ICMT: variants seen among roughly 807,000 people sequenced by gnomAD.
ICMT encodes the protein protein-S-isoprenylcysteine O-methyltransferase.
A neutral mutation model predicts 32.2 loss-of-function variants in ICMT; 10 were observed. That is an observed-to-expected ratio of 0.31 (90% CI 0.19 to 0.53). The LOEUF is 0.53. Among genes scored for constraint, ICMT ranks in the 20% least tolerant of loss-of-function variants. ICMT has a pLI of 0.96. For missense variants in ICMT, 265 were observed against 356.9 expected (o/e 0.74, Z 2.07); for synonymous variants, 183 against 158.2 (o/e 1.16, Z -1.18).
chr1:6,230,484 G>A (rs530663054), intron 4 of ICMT, among the ~76,000 whole-genome samples: 1 of 151,670 alleles, frequency 6.6e-6, no homozygotes, highest in Non-Finnish European at 1.5e-5. Flanking sequence ...TACTTGGGAG[G>A]CTGAGGTAGG....
At chr1:6,229,823 C>CACACACACACAT (rs3221751) in intron 4 of ICMT, among the ~76,000 whole-genome samples, 5 of 137,268 alleles carry the variant, frequency 3.6e-5, no homozygotes, top group African/African-American at 7.7e-5. Flanking sequence ...CACACACACA[C>CACACACACACAT]ATAGAGCAGG....
At chr1:6,229,871 TC>T (rs1668706502) in intron 4 of ICMT, among the ~76,000 whole-genome samples, 1 of 151,972 alleles carries the variant, frequency 6.6e-6, no homozygotes, top group Non-Finnish European at 1.5e-5. Flanking sequence ...CACTTCTTTT[TC>T]TTTTTTTCTT....
intron 4 of ICMT, among the ~76,000 whole-genome samples, chr1:6,229,599 C>T (rs941568685): frequency 3.3e-5 from 5 of 152,128 alleles, no homozygotes; most frequent in African/African-American, 9.7e-5. Context: ...GCGGAGGTTG[C>T]AATGAGCCGA....
At chr1:6,234,140 G>T (rs1668778855) in intron 2 of ICMT, among the ~76,000 whole-genome samples, 1 of 152,180 alleles carries the variant, frequency 6.6e-6, no homozygotes, top group African/African-American at 2.4e-5. Flanking sequence ...CTCCTAAAGT[G>T]CTGGGATTAC....
intron 4 of ICMT, among the ~76,000 whole-genome samples, chr1:6,230,007 A>G (rs1386460445): frequency 1.3e-5 from 2 of 151,698 alleles, no homozygotes; most frequent in Non-Finnish European, 2.9e-5. Flanking sequence ...AGCTGGAATT[A>G]TAAGTAAGAA....
In ICMT at chr1:6,223,104, TTTG is replaced by T. The variant is rs900920153; in HGVS notation, c.*1973_*1975del. The T allele has an allele frequency of 1.8e-4, 27 of 152,306 alleles. No homozygotes were observed. Among genetic ancestry groups the T allele is most frequent in the African/African-American group, 2.4e-4 (10 of 41,516 alleles). 9.4% of individuals were successfully genotyped at this position (152,306 alleles called of 1,614,324 possible). A position where few individuals can be genotyped will look rare whatever the true frequency, so the allele number is the denominator to read the frequency against. ...CGATGGGCAAGTCCGTCCGGTTTTTTTTGTTGTTGTTGTTGTTTTTTGAGATGG... is the reference window on the plus strand; with the variant it reads ...CGATGGGCAAGTCCGTCCGGTTTTTTTTGTTGTTGTTGTTTTTTGAGATGG... On this transcript the variant is annotated 3_prime_UTR_variant, in exon 5 of 5. Coordinates refer to ENST00000343813, the MANE Select transcript of ICMT (RefSeq NM_012405.4).
At chr1:6,234,283 G>A (rs949516577) in intron 2 of ICMT, 4 of 356,272 alleles carry the variant, frequency 1.1e-5, no homozygotes, top group African/African-American at 2.2e-5. Flanking sequence ...ACATGAAAGA[G>A]GGAGATAACA....
intron 1 of ICMT, among the ~76,000 whole-genome samples, chr1:6,235,304 T>C (rs1218341128): frequency 6.6e-6 from 1 of 152,168 alleles, no homozygotes. Context: ...TTATTATTAT[T>C]ATTCGTGATT....
At position 6,235,828 on chromosome 1, in the gene ICMT, G is replaced by A. The variant is rs1668817722; in HGVS notation, c.84C>T (p.Leu28=). The change falls in exon 1 of 5, where the codon CTC becomes CTT. Residue 28 remains leucine (L), a synonymous_variant. Transcript: ENST00000343813. ...LATFLLGASV[L]ALPLLTRAGL... is the part of the protein sequence containing the mutation. ...CGGCGCGCGTGAGCAGCGGCAGCGC[G>A]AGCACCGAGGCGCCCAGCAGGAAGG... 2.3e-6 allele frequency: 3 copies of A among 1,296,524 alleles called. No homozygotes were observed. Among genetic ancestry groups the A allele is most frequent in the Non-Finnish European group, 3.0e-6 (3 of 1,012,726 alleles). 80.3% of individuals were successfully genotyped at this position (1,296,524 alleles called of 1,614,324 possible). A position where few individuals can be genotyped will look rare whatever the true frequency, so the allele number is the denominator to read the frequency against.
chr1:6,234,928 G>A lies in ICMT; in HGVS notation c.242C>T (p.Thr81Met), dbSNP rs1202021594. Reference sequence around the variant, plus strand: ...AGAAGACTGGCTAAAACTTAGCAGCGTGCCGCAGCCGAACACAAACCCCAG... The same window carrying A: ...AGAAGACTGGCTAAAACTTAGCAGCATGCCGCAGCCGAACACAAACCCCAG... The part of the protein sequence containing the change: ...CFLGFVFGCG[T>M]LLSFSQSSWS... The change falls in exon 2 of 5, where the codon ACG (threonine) becomes ATG (methionine). Residue 81 changes from threonine (T) to methionine (M), a missense_variant. Transcript: ENST00000343813. 1.2e-6 allele frequency: 2 copies of A among 1,613,992 alleles called. No individual in the cohort carries two copies. The highest frequency in any genetic ancestry group is 1.7e-6 in the Non-Finnish European group (2 of 1,179,978).
intron 4 of ICMT, among the ~76,000 whole-genome samples, chr1:6,228,992 C>T (rs1668688134): frequency 6.8e-6 from 1 of 148,088 alleles, no homozygotes; most frequent in African/African-American, 2.5e-5. Flanking sequence ...AAGATCGCAC[C>T]ACTGCACTCC....
Position 6,221,655 on chromosome 1 carries a change from G to A in ICMT, c.*3425C>T, listed in dbSNP as rs779850176. ...TTCCTGGTTTAGGAACATTTTCCCC[G>A]GTCGTATCAATCCCCCAGGTTGGTA... On this transcript the variant is annotated 3_prime_UTR_variant, in exon 5 of 5. Transcript: ENST00000343813. 5 of 152,580 alleles carry A rather than the reference G, an allele frequency of 3.3e-5. No individual in the cohort carries two copies. Among genetic ancestry groups the A allele is most frequent in the African/African-American group, 4.8e-5 (2 of 41,448 alleles). The allele number at this position is 152,580 out of a possible 1,614,324, so 9.5% of individuals were successfully genotyped here. A position where few individuals can be genotyped will look rare whatever the true frequency, so the allele number is the denominator to read the frequency against.
Position 6,235,890 on chromosome 1 carries a change from C to T in ICMT, c.22G>A (p.Ala8Thr), listed in dbSNP as rs1170379907. The change falls in exon 1 of 5, where the codon GCT (alanine) becomes ACT (threonine). Residue 8 changes from alanine (A) to threonine (T), a missense_variant. By Grantham distance (58) the Ala-to-Thr change is moderately conservative (BLOSUM62 0). Around this residue, in one of 2 missense-constraint regions of ICMT, gnomAD observed 99 missense variants for 92.6 expected, o/e 1.07. Transcript: ENST00000343813. Reference protein sequence around the residue: MAGCAARAPPGSEARLSL... With the variant: MAGCAARTPPGSEARLSL... The stretch of plus-strand genomic sequence containing the variant: ...AGACGCGCCTCAGAGCCCGGCGGAG[C>T]CCGCGCCGCGCAGCCCGCCATGGCG... 8.8e-7 allele frequency: 1 copy of T among 1,131,000 alleles called. No individual in the cohort carries two copies. The highest frequency in any genetic ancestry group is 1.1e-6 in the Non-Finnish European group (1 of 925,974). 70.1% of individuals were successfully genotyped at this position (1,131,000 alleles called of 1,614,324 possible).
chr1:6,235,580 C>CA, intron 1 of ICMT, 137 bp downstream of exon 1: 1 of 484,322 alleles, frequency 2.1e-6, no homozygotes, highest in South Asian at 9.4e-5. Flanking sequence ...AGGGTCCCCT[C>CA]CTGCGACCTG....
At position 6,235,776 on chromosome 1, in the gene ICMT, G is replaced by T. The variant is rs1397968654; in HGVS notation, c.136C>A (p.Leu46Ile). Residue 46 changes from leucine (L) to isoleucine (I), a missense_variant, in exon 1 of 5, where the codon CTC becomes ATC. Physicochemically the swap from Leu to Ile is conservative, Grantham distance 5 (BLOSUM62 2). Coordinates refer to ENST00000343813, the MANE Select transcript of ICMT (RefSeq NM_012405.4). ...AGLQGRTGLA[L>I]YVAGLNALLL... ...AGCGCGTTGAGCCCGGCCACGTAGA[G>T]CGCCAGCCCGGTGCGGCCCTGCAGG... is the stretch of plus-strand genomic sequence containing the variant. The T allele has an allele frequency of 7.5e-7, 1 of 1,341,294 alleles. No homozygotes were observed. The highest frequency in any genetic ancestry group is 9.6e-7 in the Non-Finnish European group (1 of 1,037,120). The allele number at this position is 1,341,294 out of a possible 1,614,324, so 83.1% of individuals were successfully genotyped here. A position where few individuals can be genotyped will look rare whatever the true frequency, so the allele number is the denominator to read the frequency against.
intron 3 of ICMT, among the ~76,000 whole-genome samples, chr1:6,233,175 T>C (rs1668764439): frequency 1.3e-5 from 2 of 151,970 alleles, no homozygotes; most frequent in East Asian, 3.9e-4. Context: ...ACATGAAACG[T>C]CTAAATATCA....
intron 4 of ICMT, among the ~76,000 whole-genome samples, chr1:6,226,839 T>G (rs1212869368): frequency 6.6e-6 from 1 of 152,030 alleles, no homozygotes; most frequent in African/African-American, 2.4e-5. Flanking sequence ...GCTTCCAGAG[T>G]AGGGGGAACT....
rs774555317 is a variant in ICMT, at chr1:6,225,007, C to T, written c.*73G>A. On this transcript the variant is annotated 3_prime_UTR_variant, in exon 5 of 5. Transcript: ENST00000343813. ...ACGATTAAGAAAATCCATGTGGCAG[C>T]GGCCAACCGGAAACAGTTTTGTCCC... The T allele has an allele frequency of 2.5e-5, 32 of 1,280,264 alleles. No individual in the cohort carries two copies. Among genetic ancestry groups the T allele is most frequent in the East Asian group, 1.4e-4 (6 of 42,892 alleles). 79.3% of individuals were successfully genotyped at this position (1,280,264 alleles called of 1,614,324 possible).
At chr1:6,231,235 A>G (rs545694417) in intron 4 of ICMT, among the ~76,000 whole-genome samples, 9 of 152,258 alleles carry the variant, frequency 5.9e-5, no homozygotes, top group African/African-American at 2.2e-4. Context: ...AGCCTGAGAC[A>G]GAACAAACCT....
Sources: gnomAD v4.1 joint callset for allele counts (sites outside exome capture counted in the v4.1 genomes callset) on GRCh38, gnomAD v4.1.1 for gene constraint, gnomAD v4.1.1 regional missense constraint, MANE v1.5 for transcripts, NCBI Gene and HGNC (gene_info 2026-07-23, HGNC 2026-07-21) for gene names.